TMOD1: variants seen among roughly 807,000 people sequenced by gnomAD.
TMOD1 encodes the protein tropomodulin-1.
A neutral mutation model predicts 40.6 loss-of-function variants in TMOD1; 17 were observed. The ratio of observed to expected loss-of-function variants is 0.42; its 90% confidence interval spans 0.29 to 0.63. The LOEUF is 0.63. Among genes scored for constraint, TMOD1 ranks in the 20% least tolerant of loss-of-function variants. TMOD1 has a pLI of 0.22. For synonymous variants in TMOD1, 181 were observed against 175.0 expected (o/e 1.03, Z -0.27); for missense variants, 391 against 447.6 (o/e 0.87, Z 1.14).
intron 4 of TMOD1, among the ~76,000 whole-genome samples, chr9:97,559,794 A>ATATATATATAT (rs1554683057): frequency 3.0e-4 from 7 of 23,156 alleles, no homozygotes; most frequent in Non-Finnish European, 3.8e-4. Context: ...AAAAAAAAAA[A>ATATATATATAT]ATATATATAT....
intron 8 of TMOD1, among the ~76,000 whole-genome samples, chr9:97,584,097 G>A (rs1197072585): frequency 9.4e-5 from 14 of 149,280 alleles, no homozygotes; most frequent in Non-Finnish European, 1.8e-4. Context: ...TGATGTTAGG[G>A]TGTCAATTTT....
At chr9:97,505,614 C>G (rs1429296714) in intron 1 of TMOD1, among the ~76,000 whole-genome samples, 8 of 152,170 alleles carry the variant, frequency 5.3e-5, no homozygotes, top group Admixed American at 5.2e-4. Context: ...CCACCGCACA[C>G]TCTCACAGTC....
At chr9:97,555,082 G>A (rs1830515370) in intron 4 of TMOD1, among the ~76,000 whole-genome samples, 1 of 152,198 alleles carries the variant, frequency 6.6e-6, no homozygotes, top group African/African-American at 2.4e-5. Context: ...CTTTCACTAT[G>A]AAGTACAGAA....
chr9:97,584,132 G>T (rs1261477578), intron 8 of TMOD1, among the ~76,000 whole-genome samples: 3 of 150,432 alleles, frequency 2.0e-5, no homozygotes, highest in Non-Finnish European at 4.5e-5. Context: ...TTCTCTTGTG[G>T]GCATTTAGTG....
At position 97,559,771 on chromosome 9, in the gene TMOD1, T is replaced by TAAA. The variant is rs1830589569; in HGVS notation, c.398-2961_398-2960insAAA. On this transcript the variant is annotated intron_variant, in intron 4 of 9. Coordinates refer to ENST00000259365, the MANE Select transcript of TMOD1 (RefSeq NM_003275.4). ...CAGAGCGAGACTCCGCCTCAAAAAT[T>TAAA]TAAAAAAAAAAAAAAAAAAAAAAAT... 3.8e-4 allele frequency among the ~76,000 whole-genome samples: 24 copies of TAAA among 63,322 alleles called. 2 individuals are homozygous for TAAA. Among genetic ancestry groups the TAAA allele is most frequent in the East Asian group, 9.3e-4 (2 of 2,156 alleles). The allele number at this position is 63,322 out of a possible 152,430, so 41.5% of individuals were successfully genotyped here. A position where few individuals can be genotyped will look rare whatever the true frequency, so the allele number is the denominator to read the frequency against.
chr9:97,596,241 C>T (rs903105975), intron 9 of TMOD1, among the ~76,000 whole-genome samples: 1 of 151,976 alleles, frequency 6.6e-6, no homozygotes, highest in Non-Finnish European at 1.5e-5. Flanking sequence ...GTTATCTCCT[C>T]CAACATCCTC....
At chr9:97,591,693 T>G (rs978002714) in intron 9 of TMOD1, among the ~76,000 whole-genome samples, 3 of 152,216 alleles carry the variant, frequency 2.0e-5, no homozygotes, top group African/African-American at 7.2e-5. Flanking sequence ...CAGAGCACAC[T>G]TAAGTGTGTT....
chr9:97,505,310 G>A (rs1338599127), intron 1 of TMOD1, among the ~76,000 whole-genome samples: 2 of 152,198 alleles, frequency 1.3e-5, no homozygotes, highest in African/African-American at 4.8e-5. Context: ...AGGGAGACAA[G>A]GGCTTGCGTC....
intron 4 of TMOD1, among the ~76,000 whole-genome samples, chr9:97,558,977 G>C (rs1417055593): frequency 6.6e-6 from 1 of 152,188 alleles, no homozygotes; most frequent in Non-Finnish European, 1.5e-5. Context: ...CAGCAGTCTC[G>C]TGTAACTTCA....
intron 1 of TMOD1, among the ~76,000 whole-genome samples, chr9:97,509,463 C>T (rs1369329607): frequency 1.3e-5 from 2 of 149,628 alleles, no homozygotes; most frequent in Non-Finnish European, 3.0e-5. Flanking sequence ...ATTTTTATGC[C>T]GTTTTGGGGG....
intron 4 of TMOD1, among the ~76,000 whole-genome samples, chr9:97,556,654 G>C (rs1345238285): frequency 6.6e-6 from 1 of 152,204 alleles, no homozygotes; most frequent in Non-Finnish European, 1.5e-5. Flanking sequence ...TAAGAAAACA[G>C]CCCAGTTTCC....
At chr9:97,584,779 C>G (rs540813200) in intron 8 of TMOD1, among the ~76,000 whole-genome samples, 1 of 152,252 alleles carries the variant, frequency 6.6e-6, no homozygotes, top group Non-Finnish European at 1.5e-5. Context: ...CTCTTTTGAG[C>G]TTTGTTGGTT....
At chr9:97,548,896 C>A (rs923145600) in intron 3 of TMOD1, among the ~76,000 whole-genome samples, 7 of 152,172 alleles carry the variant, frequency 4.6e-5, no homozygotes, top group Admixed American at 1.3e-4. Context: ...GCAGGAGACC[C>A]TCCAGCTCTG....
At chr9:97,521,299 T>C (rs1298666379) in intron 1 of TMOD1, among the ~76,000 whole-genome samples, 1 of 152,204 alleles carries the variant, frequency 6.6e-6, no homozygotes, top group Non-Finnish European at 1.5e-5. Context: ...CATACCAACA[T>C]TTTTGAAGAA....
intron 4 of TMOD1, among the ~76,000 whole-genome samples, chr9:97,554,765 G>C (rs1830510026): frequency 6.6e-6 from 1 of 152,288 alleles, no homozygotes; most frequent in African/African-American, 2.4e-5. Context: ...ACCAGCACCA[G>C]GGACTTGACA....
At chr9:97,582,381 C>T (rs1257515674) in intron 8 of TMOD1, among the ~76,000 whole-genome samples, 1 of 147,656 alleles carries the variant, frequency 6.8e-6, no homozygotes, top group South Asian at 2.2e-4. Context: ...GTACCAGTAC[C>T]ATGCTGTTTT....
chr9:97,558,935 C>T (rs913466531), intron 4 of TMOD1, among the ~76,000 whole-genome samples: 1 of 152,216 alleles, frequency 6.6e-6, no homozygotes, highest in Non-Finnish European at 1.5e-5. Context: ...AAGGCTCAGC[C>T]TGAAATGCAG....
chr9:97,523,470 G>A lies in TMOD1; in HGVS notation c.-48-671G>A, dbSNP rs191357449. On this transcript the variant is annotated intron_variant, in intron 1 of 9. Coordinates refer to ENST00000259365, the MANE Select transcript of TMOD1 (RefSeq NM_003275.4). ...GAAGGTCTGCAGCCAGCAGACCTGA[G>A]TTTAAATGTGGATCTGCTGCTTCCT... 1.7e-4 allele frequency among the ~76,000 whole-genome samples: 26 copies of A among 152,320 alleles called. No individual in the cohort carries two copies. In the East Asian group the frequency reaches 2.1e-3, roughly 12 times the overall value.
intron 9 of TMOD1, among the ~76,000 whole-genome samples, chr9:97,594,623 A>C (rs1312177314): frequency 2.0e-5 from 3 of 152,202 alleles, no homozygotes; most frequent in Admixed American, 2.0e-4. Flanking sequence ...TGAGTCCCCA[A>C]GGCTATGAGG....
Sources: gnomAD v4.1 joint callset for allele counts (sites outside exome capture counted in the v4.1 genomes callset) on GRCh38, gnomAD v4.1.1 for gene constraint, MANE v1.5 for transcripts, NCBI Gene and HGNC (gene_info 2026-07-23, HGNC 2026-07-21) for gene names.